Variants in LINGO2 observed in about 807,000 individuals in gnomAD.
LINGO2 encodes leucine-rich repeat and immunoglobulin-like domain-containing nogo receptor-interacting protein 2.
A neutral mutation model predicts 30.6 loss-of-function variants in LINGO2; 14 were observed. That is an observed-to-expected ratio of 0.46 (90% CI 0.30 to 0.72). LINGO2 has a LOEUF of 0.72. Ranked by LOEUF, LINGO2 falls within the 30% of genes least tolerant of loss-of-function variation. The probability of loss-of-function intolerance (pLI) is 0.07; values close to 1 mark genes in which losing one functional copy is unlikely to be tolerated. For synonymous variants in LINGO2, 317 were observed against 288.5 expected, an observed-to-expected ratio of 1.10 and a Z score of -1.00; for missense variants, 729 against 751.7, an observed-to-expected ratio of 0.97 and a Z score of 0.35.
chr9:28,935,583 C>T, the LINGO2 span, among the ~76,000 whole-genome samples: 1 of 151,870 alleles, frequency 6.6e-6, no homozygotes, highest in African/African-American at 2.4e-5. Flanking sequence ...GATTGGGAGT[C>T]AAAATATGCT....
chr9:27,961,595 G>T (rs10757702), intron 5 of LINGO2, among the ~76,000 whole-genome samples: 145,034 of 152,158 alleles, frequency 0.95, 69,517 homozygotes, highest in East Asian at 1. Flanking sequence ...CACGTTATCC[G>T]GAGAGCAATG....
intron 1 of LINGO2, among the ~76,000 whole-genome samples, chr9:28,492,934 C>A (rs1211878166): frequency 6.6e-6 from 1 of 152,074 alleles, no homozygotes; most frequent in Non-Finnish European, 1.5e-5. Context: ...CACCAGATTT[C>A]AAAAATTTAC....
intron 3 of LINGO2, among the ~76,000 whole-genome samples, chr9:28,305,566 T>C (rs897616636): frequency 6.6e-6 from 1 of 152,030 alleles, no homozygotes; most frequent in Non-Finnish European, 1.5e-5. Context: ...TTTTATAGTC[T>C]AGCAACAAAA....
intron 4 of LINGO2, among the ~76,000 whole-genome samples, chr9:28,189,257 AAGGAAGGGAGGG>A (rs1819661912): frequency 1.8e-5 from 2 of 114,162 alleles, no homozygotes; most frequent in Non-Finnish European, 1.8e-5. Context: ...GGAAGGGAGG[AAGGAAGGGAGGG>A]AGGAAGGGAG....
chr9:28,413,401 C>A (rs1822846172), intron 2 of LINGO2, among the ~76,000 whole-genome samples: 9 of 151,962 alleles, frequency 5.9e-5, no homozygotes, highest in Admixed American at 3.9e-4. Flanking sequence ...TCCTCCTTTC[C>A]CCATAAAATA....
At chr9:28,676,518 G>T in the LINGO2 span, among the ~76,000 whole-genome samples, 3 of 152,056 alleles carry the variant, frequency 2.0e-5, no homozygotes, top group African/African-American at 7.2e-5. Context: ...TTTTAGTATA[G>T]AATGCATACA....
chr9:28,705,123 C>T, the LINGO2 span, among the ~76,000 whole-genome samples: 1 of 151,836 alleles, frequency 6.6e-6, no homozygotes, highest in African/African-American at 2.4e-5. Flanking sequence ...CTCCATGTTG[C>T]CCAGGTTGGT....
the LINGO2 span, among the ~76,000 whole-genome samples, chr9:29,135,650 A>G: frequency 3.9e-5 from 6 of 152,284 alleles, no homozygotes; most frequent in South Asian, 8.3e-4. Flanking sequence ...ATTCTAATAA[A>G]ATGCACATAG....
At chr9:29,172,110 G>T in the LINGO2 span, among the ~76,000 whole-genome samples, 1 of 151,914 alleles carries the variant, frequency 6.6e-6, no homozygotes, top group African/African-American at 2.4e-5. Flanking sequence ...CTCATTAAAT[G>T]TAATGTACTT....
At chr9:28,138,187 G>C (rs1644064458) in intron 4 of LINGO2, among the ~76,000 whole-genome samples, 1 of 152,182 alleles carries the variant, frequency 6.6e-6, no homozygotes, top group Non-Finnish European at 1.5e-5. Context: ...TCTATCTCAA[G>C]ACTCTGGTCT....
intron 5 of LINGO2, among the ~76,000 whole-genome samples, chr9:27,963,533 T>C (rs1179655525): frequency 6.6e-6 from 1 of 152,052 alleles, no homozygotes; most frequent in African/African-American, 2.4e-5. Flanking sequence ...ATGGATAAGG[T>C]AATGATAAAT....
the LINGO2 span, among the ~76,000 whole-genome samples, chr9:29,085,294 A>T: frequency 1.2e-5 from 1 of 86,372 alleles, no homozygotes; most frequent in African/African-American, 4.4e-5. Flanking sequence ...AAAAAAAAAA[A>T]AAAAAAAAAA....
intron 2 of LINGO2, among the ~76,000 whole-genome samples, chr9:28,408,835 T>A (rs1053342608): frequency 6.7e-6 from 1 of 149,586 alleles, no homozygotes. Flanking sequence ...TAGTCTACAG[T>A]CCTCCTGGAT....
chr9:28,379,855 A>G (rs1821277741), intron 2 of LINGO2, among the ~76,000 whole-genome samples: 1 of 152,124 alleles, frequency 6.6e-6, no homozygotes, highest in African/African-American at 2.4e-5. Flanking sequence ...GAATGGCAGA[A>G]GTTGCATTCA....
At chr9:28,163,353 G>A (rs907396842) in intron 4 of LINGO2, among the ~76,000 whole-genome samples, 1 of 152,012 alleles carries the variant, frequency 6.6e-6, no homozygotes. Context: ...CATGCCAAGA[G>A]GTTAGTAATA....
intron 1 of LINGO2, among the ~76,000 whole-genome samples, chr9:28,594,054 A>C (rs1429787994): frequency 6.6e-6 from 1 of 152,084 alleles, no homozygotes; most frequent in Non-Finnish European, 1.5e-5. Context: ...AAAATAAAAA[A>C]AAACACAAAA....
At chr9:29,198,336 TC>T in the LINGO2 span, among the ~76,000 whole-genome samples, 1 of 152,144 alleles carries the variant, frequency 6.6e-6, no homozygotes, top group African/African-American at 2.4e-5. Flanking sequence ...TAAGCCAGCA[TC>T]CTTTGCAGCG....
the LINGO2 span, among the ~76,000 whole-genome samples, chr9:29,065,490 A>G: frequency 6.6e-6 from 1 of 152,108 alleles, no homozygotes; most frequent in Admixed American, 6.6e-5. Context: ...GCATATGGCT[A>G]GCCAGTTCTC....
At chr9:29,166,128 G>T in the LINGO2 span, among the ~76,000 whole-genome samples, 2 of 151,882 alleles carry the variant, frequency 1.3e-5, no homozygotes, top group South Asian at 4.2e-4. Context: ...AAATTTTAAG[G>T]GTAACACGAA....
Sources: allele counts gnomAD v4.1 joint callset (sites outside exome capture counted in the v4.1 genomes callset), GRCh38; gene constraint gnomAD v4.1.1; transcripts MANE v1.5; gene names NCBI Gene and HGNC (gene_info 2026-07-23, HGNC 2026-07-21).